RNF212B: variants seen among roughly 807,000 people sequenced by gnomAD.
RNF212B encodes E3 ubiquitin-protein ligase RNF212B.
RNF212B carries 52 observed loss-of-function variants against 55.5 expected under a neutral mutation model. The ratio of observed to expected loss-of-function variants is 0.94; its 90% CI spans 0.75 to 1.18. The LOEUF (loss-of-function observed/expected upper bound fraction) is 1.18. Ranked by LOEUF, RNF212B falls within the 50% of genes most tolerant of loss-of-function variation. RNF212B has a pLI of 0.00. For missense variants in RNF212B, 289 were observed against 350.4 expected, an observed-to-expected ratio of 0.82 and a Z score of 1.40; for synonymous variants, 99 against 121.4, an observed-to-expected ratio of 0.82 and a Z score of 1.21.
rs186174809 is a variant in RNF212B at position 23,253,938 on chromosome 14, G to A, written c.229-4611G>A. ...TTTACAGATGTTCAAAAATTAAATT[G>A]CGTGCAAAAATAAATCTTCAACTAA... is the stretch of plus-strand genomic sequence containing the variant. On this transcript the variant is annotated intron_variant, in intron 4 of 14. Transcript: ENST00000430154. Among the ~76,000 whole-genome samples the A allele has an allele frequency of 2.7e-3, 411 of 152,022 alleles. 3 individuals carry two copies. Among genetic ancestry groups the A allele is most frequent in the African/African-American group, 9.1e-3 (378 of 41,432 alleles).
At chr14:23,186,314 A>C (rs1222239844) in intron 1 of RNF212B, among the ~76,000 whole-genome samples, 2 of 151,108 alleles carry the variant, frequency 1.3e-5, no homozygotes, top group Non-Finnish European at 2.9e-5. Flanking sequence ...ATCTGTAAAA[A>C]ATTACAAACT....
chr14:23,220,044 C>G (rs1015931458), intron 2 of RNF212B, among the ~76,000 whole-genome samples: 6 of 151,810 alleles, frequency 4.0e-5, no homozygotes, highest in African/African-American at 7.3e-5. Context: ...ATTAGCCAGA[C>G]ATGGTGGCAC....
chr14:23,220,468 G>T (rs1304951649), intron 2 of RNF212B, among the ~76,000 whole-genome samples: 4 of 151,628 alleles, frequency 2.6e-5, no homozygotes, highest in Non-Finnish European at 5.9e-5. Context: ...GGAGATGGAG[G>T]TTGCTGTGAG....
chr14:23,259,796 T>TA, intron 5 of RNF212B, 88 bp from the exon 6 acceptor site: 1 of 621,622 alleles, frequency 1.6e-6, no homozygotes, highest in East Asian at 3.0e-5. Flanking sequence ...TCAGTAAGTA[T>TA]TAACTAGATG....
At chr14:23,265,267 C>T (rs1885605658) in intron 11 of RNF212B, among the ~76,000 whole-genome samples, 1 of 152,104 alleles carries the variant, frequency 6.6e-6, no homozygotes, top group Non-Finnish European at 1.5e-5. Context: ...TTTGAATTGC[C>T]ACAAGATGGC....
chr14:23,207,918 A>T (rs1230865824), intron 2 of RNF212B, among the ~76,000 whole-genome samples: 1 of 152,152 alleles, frequency 6.6e-6, no homozygotes, highest in Non-Finnish European at 1.5e-5. Context: ...AGGTAGGCAG[A>T]CTCTAAGCGG....
chr14:23,266,412 T>TTTTTTTTTTTTTTTTTTTTTTTTTG (rs1885702042), intron 11 of RNF212B, among the ~76,000 whole-genome samples: 1 of 135,628 alleles, frequency 7.4e-6, no homozygotes, highest in Non-Finnish European at 1.6e-5. Flanking sequence ...ATGTTTTTTT[T>TTTTTTTTTTTTTTTTTTTTTTTTTG]TTTTTTTTTT....
At chr14:23,268,740 G>C (rs1254107566) in intron 11 of RNF212B, among the ~76,000 whole-genome samples, 184 bp from the exon 12 acceptor site, 2 of 152,144 alleles carry the variant, frequency 1.3e-5, no homozygotes, top group Non-Finnish European at 2.9e-5. Context: ...GAAAGGGAGA[G>C]GAAAGCACCT....
intron 2 of RNF212B, among the ~76,000 whole-genome samples, chr14:23,205,367 A>T (rs1429736071): frequency 1.3e-5 from 2 of 151,564 alleles, no homozygotes; most frequent in African/African-American, 2.4e-5. Context: ...TTATTGGAAA[A>T]TACCCAAATA....
chr14:23,243,340 T>C, intron 3 of RNF212B, 32 bp downstream of exon 3: 1 of 1,518,174 alleles, frequency 6.6e-7, no homozygotes, highest in Non-Finnish European at 8.9e-7. Context: ...ACAAACTGTC[T>C]CATCCCATTC....
chr14:23,255,600 C>G (rs1028341953), intron 4 of RNF212B, among the ~76,000 whole-genome samples: 3 of 152,090 alleles, frequency 2.0e-5, no homozygotes, highest in African/African-American at 7.2e-5. Flanking sequence ...AATAATCACA[C>G]CTTTAAGAAA....
chr14:23,218,972 T>C (rs1881328834), intron 2 of RNF212B, among the ~76,000 whole-genome samples: 2 of 152,066 alleles, frequency 1.3e-5, no homozygotes, highest in South Asian at 4.1e-4. Flanking sequence ...AATAACAAAA[T>C]AGAGCACCAA....
At chr14:23,216,644 C>T (rs1248547540) in intron 2 of RNF212B, among the ~76,000 whole-genome samples, 1 of 151,592 alleles carries the variant, frequency 6.6e-6, no homozygotes, top group Non-Finnish European at 1.5e-5. Flanking sequence ...CTTTGGGAGG[C>T]CAAGGTAGGC....
At chr14:23,200,017 T>TA (rs777564811) in intron 2 of RNF212B, among the ~76,000 whole-genome samples, 6,296 of 144,524 alleles carry the variant, frequency 0.044, 160 homozygotes, top group Middle Eastern at 0.17. Context: ...AATAAAAAAT[T>TA]AAAAAAAAAA....
In RNF212B at chr14:23,243,314, T is replaced by A; in HGVS notation, c.153+6T>A. On this transcript the variant is annotated splice_donor_region_variant and intron_variant, in intron 3 of 14. Transcript: ENST00000430154. ...ATCTGGCTCTTTCTGATAATGTAAGTTTTTCTCCCCCTGCCACAAACTGTC... is the reference window on the plus strand; with the variant it reads ...ATCTGGCTCTTTCTGATAATGTAAGATTTTCTCCCCCTGCCACAAACTGTC... 1 of 1,549,374 alleles carries A rather than the reference T, an allele frequency of 6.5e-7. No individual in the cohort carries two copies. Among genetic ancestry groups the A allele is most frequent in the Non-Finnish European group, 8.7e-7 (1 of 1,146,168 alleles).
intron 2 of RNF212B, among the ~76,000 whole-genome samples, chr14:23,229,297 T>C (rs1425797425): frequency 1.4e-5 from 2 of 142,786 alleles, no homozygotes; most frequent in Non-Finnish European, 3.1e-5. Flanking sequence ...CTAATGGACA[T>C]TTGTGTTGTT....
chr14:23,270,753 G>T, intron 14 of RNF212B, 92 bp downstream of exon 14: 1 of 807,846 alleles, frequency 1.2e-6, no homozygotes. Context: ...AATATAACCA[G>T]TGAAGAACGA....
intron 2 of RNF212B, among the ~76,000 whole-genome samples, chr14:23,206,910 G>A (rs748465609): frequency 1.3e-5 from 2 of 148,710 alleles, no homozygotes; most frequent in South Asian, 2.1e-4. Context: ...ACAAACTTTC[G>A]TTAAAAAAAA....
At chr14:23,204,949 G>C (rs147376821) in intron 2 of RNF212B, among the ~76,000 whole-genome samples, 1 of 152,044 alleles carries the variant, frequency 6.6e-6, no homozygotes. Context: ...TTAAAAGCAC[G>C]TATAGAAAGA....
Sources: gnomAD v4.1 joint callset for allele counts (sites outside exome capture counted in the v4.1 genomes callset) on GRCh38, gnomAD v4.1.1 for gene constraint, MANE v1.5 for transcripts, NCBI Gene and HGNC (gene_info 2026-07-23, HGNC 2026-07-21) for gene names.